CACNA1B: variants seen among roughly 807,000 people sequenced by gnomAD.
CACNA1B encodes the protein calcium voltage-gated channel subunit alpha1 B, also known as voltage-dependent N-type calcium channel subunit alpha-1B.
Under a neutral mutation model 247.2 loss-of-function variants are expected in CACNA1B, and 70 were observed. The ratio of observed to expected loss-of-function variants is 0.28; its 90% CI spans 0.23 to 0.35. The LOEUF is 0.35. Among genes scored for constraint, CACNA1B ranks in the 10% least tolerant of loss-of-function variants. The probability of loss-of-function intolerance (pLI) is 1.00; values close to 1 mark genes in which losing one functional copy is unlikely to be tolerated. For synonymous variants in CACNA1B, 1,231 were observed against 1,294.4 expected (o/e 0.95, Z 1.05); for missense variants, 2,367 against 3,197.4 (o/e 0.74, Z 6.26).
intron 6 of CACNA1B, among the ~76,000 whole-genome samples, chr9:137,949,815 A>G (rs901702921): frequency 3.3e-5 from 5 of 152,226 alleles, no homozygotes; most frequent in African/African-American, 1.2e-4. Flanking sequence ...TGTGGATTAA[A>G]GTGATAATCT....
At chr9:138,099,618 C>T (rs1029500055) in intron 37 of CACNA1B, among the ~76,000 whole-genome samples, 1 of 146,568 alleles carries the variant, frequency 6.8e-6, no homozygotes, top group Non-Finnish European at 1.5e-5. Context: ...GTGGTGTACT[C>T]GTGCCTGTGG....
intron 6 of CACNA1B, among the ~76,000 whole-genome samples, chr9:137,926,835 T>C (rs532255371): frequency 1.3e-5 from 2 of 152,350 alleles, no homozygotes; most frequent in African/African-American, 4.8e-5. Flanking sequence ...CATTTGCATG[T>C]CTTCTTTGAA....
At chr9:138,015,474 T>TG (rs1480077007) in intron 18 of CACNA1B, among the ~76,000 whole-genome samples, 1 of 146,838 alleles carries the variant, frequency 6.8e-6, no homozygotes, top group Non-Finnish European at 1.5e-5. Context: ...GTTCTCCTGG[T>TG]GGGACGAGCA....
rs1301150743 is a variant in CACNA1B, at chr9:137,888,642, T to C, written c.530+5759T>C. On this transcript the variant is annotated intron_variant, in intron 3 of 46. Coordinates refer to ENST00000371372, the MANE Select transcript of CACNA1B (RefSeq NM_000718.4). The surrounding 1 kb of genome is among the most constrained non-coding windows in gnomAD (Gnocchi z 4.7). Reference sequence around the variant, plus strand: ...GACATGTAATTAGAGCCCAGCTTTCTCCCTGGACCCGGCCTCCTGTGGGTT... The same window carrying C: ...GACATGTAATTAGAGCCCAGCTTTCCCCCTGGACCCGGCCTCCTGTGGGTT... Among the ~76,000 whole-genome samples the C allele has an allele frequency of 1.3e-5, 2 of 152,186 alleles. No individual in the cohort carries two copies. Among genetic ancestry groups the C allele is most frequent in the African/African-American group, 2.4e-5 (1 of 41,452 alleles).
At chr9:137,958,950 A>T (rs1043544847) in intron 10 of CACNA1B, among the ~76,000 whole-genome samples, 1 of 152,058 alleles carries the variant, frequency 6.6e-6, no homozygotes, top group African/African-American at 2.4e-5. Context: ...GACTCTTCCC[A>T]TATGCTATAC....
chr9:137,988,698 G>A (rs1958396559), intron 15 of CACNA1B, among the ~76,000 whole-genome samples: 2 of 152,228 alleles, frequency 1.3e-5, no homozygotes, highest in South Asian at 4.1e-4. Flanking sequence ...GACATGGCTT[G>A]AGATAGGCAG....
chr9:138,063,242 C>T (rs1198442614), intron 31 of CACNA1B, among the ~76,000 whole-genome samples: 1 of 151,986 alleles, frequency 6.6e-6, no homozygotes, highest in Non-Finnish European at 1.5e-5. Context: ...CCTGTGATCT[C>T]AGGGATTTGG....
At chr9:138,015,293 G>A (rs1212524740) in intron 18 of CACNA1B, among the ~76,000 whole-genome samples, 1 of 152,196 alleles carries the variant, frequency 6.6e-6, no homozygotes, top group Non-Finnish European at 1.5e-5. Flanking sequence ...ATGACAGCCA[G>A]TCTGATTTCC....
chr9:137,936,013 C>T (rs181781455), intron 6 of CACNA1B, among the ~76,000 whole-genome samples: 29 of 152,338 alleles, frequency 1.9e-4, no homozygotes, highest in African/African-American at 5.3e-4. Flanking sequence ...CCTGCCACCA[C>T]GCCCGGCTAA....
chr9:137,986,513 G>T lies in CACNA1B; in HGVS notation c.1870G>T (p.Ala624Ser). ...GCTCTTCCTGTTCATTGTGGTCTTC[G>T]CCCTGCTGGGGATGCAGCTGTTTGG... is the stretch of plus-strand genomic sequence containing the variant. Reference protein sequence around the residue: ...FLLFLFIVVFALLGMQLFGGQ... With the variant: ...FLLFLFIVVFSLLGMQLFGGQ... The change falls in exon 14 of 47, where the codon GCC becomes TCC. Residue 624 changes from alanine to serine, a missense_variant. Ala to Ser is a moderately conservative substitution (Grantham distance 99, BLOSUM62 1). Coordinates refer to ENST00000371372, the MANE Select transcript of CACNA1B (RefSeq NM_000718.4). The surrounding 1 kb of genome is among the most constrained non-coding windows in gnomAD (Gnocchi z 6.0). 1 of 1,613,804 alleles carries T rather than the reference G, an allele frequency of 6.2e-7. No individual in the cohort carries two copies.
In CACNA1B at chr9:137,919,284, T is replaced by G. The variant is rs894680837; in HGVS notation, c.966+1853T>G. The stretch of plus-strand genomic sequence containing the variant: ...CAGAGGCATTCGACACGTAAGGGCA[T>G]GGACAGTGGCGAGTGCCGTGAAGAA... On this transcript the variant is annotated intron_variant, in intron 6 of 46. Transcript: ENST00000371372. The surrounding 1 kb of genome is among the most constrained non-coding windows in gnomAD (Gnocchi z 4.6). Among the ~76,000 whole-genome samples the G allele has an allele frequency of 1.3e-5, 2 of 152,206 alleles. No individual in the cohort carries two copies. Among genetic ancestry groups the G allele is most frequent in the Non-Finnish European group, 2.9e-5 (2 of 68,032 alleles).
In CACNA1B at chr9:138,043,779, A is replaced by G; in HGVS notation, c.3292A>G (p.Asn1098Asp). The part of the protein sequence containing the change: ...LGEATVVPSG[N>D]VDLESQAEGK... ...GGGGCCCTGTGTCCTTGTAGGTGGT[A>G]ACGTGGACCTGGAAAGCCAAGCAGA... The change falls in exon 21 of 47, where the codon AAC becomes GAC. Residue 1098 changes from asparagine (N) to aspartate (D), a missense_variant. Asn to Asp is a conservative substitution (Grantham distance 23, BLOSUM62 1). Around this residue, in one of 12 missense-constraint regions of CACNA1B, gnomAD observed 631 missense variants for 631.1 expected, o/e 1.00. Coordinates refer to ENST00000371372, the MANE Select transcript of CACNA1B (RefSeq NM_000718.4). 1.2e-6 allele frequency: 2 copies of G among 1,613,894 alleles called. No homozygotes were observed. The highest frequency in any genetic ancestry group is 1.3e-5 in the African/African-American group (1 of 75,012).
rs184512498 is a variant in CACNA1B, at chr9:138,103,344, G to A, written c.5319+537G>A. On this transcript the variant is annotated intron_variant, in intron 38 of 46. Coordinates refer to ENST00000371372, the MANE Select transcript of CACNA1B (RefSeq NM_000718.4). Reference sequence around the variant, plus strand: ...TCTGGGCCCAGGCTGCAGTCTCCAGGGACTTTCTAGGCTCCATGGTGGGGA... The same window carrying A: ...TCTGGGCCCAGGCTGCAGTCTCCAGAGACTTTCTAGGCTCCATGGTGGGGA... 1.1e-4 allele frequency among the ~76,000 whole-genome samples: 17 copies of A among 152,260 alleles called. No individual in the cohort carries two copies. The East Asian group carries it at 3.3e-3, about 29-fold the overall frequency.
At chr9:138,084,142 T>C (rs1452192491) in intron 36 of CACNA1B, among the ~76,000 whole-genome samples, 1 of 151,078 alleles carries the variant, frequency 6.6e-6, no homozygotes, top group Non-Finnish European at 1.5e-5. Flanking sequence ...AATCAGATCC[T>C]GGCACTGTGG....
chr9:138,047,354 A>T lies in CACNA1B; in HGVS notation c.3544-45A>T, dbSNP rs117574669. The T allele has an allele frequency of 1.4e-3, 2,094 of 1,473,224 alleles. 47 individuals carry two copies. The East Asian group carries it at 0.033, about 23-fold the overall frequency. The allele number at this position is 1,473,224 out of a possible 1,614,324, so 91.3% of individuals were successfully genotyped here. A position where few individuals can be genotyped will look rare whatever the true frequency, so the allele number is the denominator to read the frequency against. On this transcript the variant is annotated intron_variant, in intron 22 of 46. Transcript: ENST00000371372. The stretch of plus-strand genomic sequence containing the variant: ...GGAGCCACCGAGGGCACCCTGGCTC[A>T]GATTTCAGCCCAGCCTTTGAGAATA...
intron 15 of CACNA1B, among the ~76,000 whole-genome samples, chr9:137,996,939 C>G (rs1958508276): frequency 6.6e-6 from 1 of 152,184 alleles, no homozygotes; most frequent in Admixed American, 6.5e-5. Flanking sequence ...TGGGGGAAAC[C>G]ATCATTAATC....
At chr9:138,039,043 A>C (rs996977178) in intron 20 of CACNA1B, among the ~76,000 whole-genome samples, 4 of 151,924 alleles carry the variant, frequency 2.6e-5, no homozygotes, top group African/African-American at 9.7e-5. Flanking sequence ...AAAGTGTATA[A>C]AAATTAGCCG....
rs768607713 is a variant in CACNA1B, at chr9:138,120,381, G to A, written c.6238+9G>A. ...TGCCGATATGGATGGCGGTGCGTGC[G>A]GAGGGGCCCGGGGAGTCCTTCGGGG... On this transcript the variant is annotated intron_variant, in intron 45 of 46. Transcript: ENST00000371372. 46 of 1,539,864 alleles carry A rather than the reference G, an allele frequency of 3.0e-5. No homozygotes were observed. Among genetic ancestry groups the A allele is most frequent in the South Asian group, 1.5e-4 (13 of 84,308 alleles).
chr9:137,959,884 T>C (rs753192988), intron 10 of CACNA1B, among the ~76,000 whole-genome samples: 33 of 152,012 alleles, frequency 2.2e-4, no homozygotes, highest in Non-Finnish European at 3.7e-4. Flanking sequence ...GTAAGGAAAA[T>C]AGGCCGCATG....
Sources: gnomAD v4.1 joint callset for allele counts (sites outside exome capture counted in the v4.1 genomes callset) on GRCh38, gnomAD v4.1.1 for gene constraint, gnomAD v4.1.1 regional missense constraint, Gnocchi (gnomAD v3.1) non-coding constraint, MANE v1.5 for transcripts, NCBI Gene and HGNC (gene_info 2026-07-23, HGNC 2026-07-21) for gene names.